The following SH3PXD2B variants were observed in gnomAD, a reference collection of about 807,000 sequenced individuals.
SH3PXD2B encodes SH3 and PX domains 2B, also known as SH3 and PX domain-containing protein 2B.
Under a neutral mutation model 73.1 loss-of-function variants are expected in SH3PXD2B, and 37 were observed. The observed-to-expected ratio is 0.51, with a 90% confidence interval of 0.39 to 0.67. SH3PXD2B has a LOEUF of 0.67. Among genes scored for constraint, SH3PXD2B ranks in the 30% least tolerant of loss-of-function variants. The pLI is 0.00. For synonymous variants in SH3PXD2B, 457 were observed against 480.5 expected, an observed-to-expected ratio of 0.95 and a Z score of 0.64; for missense variants, 1,053 against 1,197.8, an observed-to-expected ratio of 0.88 and a Z score of 1.78.
Position 172,335,944 on chromosome 5 carries a change from T to C in SH3PXD2B, c.*2425A>G. On this transcript the variant is annotated 3_prime_UTR_variant, in exon 13 of 13. Coordinates refer to ENST00000311601, the MANE Select transcript of SH3PXD2B (RefSeq NM_001017995.3). ...TCATCATCATCATAGCAAAAGAGAA[T>C]GGCAGATTCTTTCATTTGCAGGAAA... is the stretch of plus-strand genomic sequence containing the variant. 8.9e-7 allele frequency: 1 copy of C among 1,127,792 alleles called. No homozygotes were observed. The allele number at this position is 1,127,792 out of a possible 1,614,324, so 69.9% of individuals were successfully genotyped here.
Position 172,454,480 on chromosome 5 carries a change from G to C in SH3PXD2B, c.-128C>G, listed in dbSNP as rs1255192247. ...CGCAATCGCAGCCGGGGCCGAGCAC[G>C]AGCCGCCGCCGCCACCGCCGCCGCC... On this transcript the variant is annotated 5_prime_UTR_variant, in exon 1 of 13. Transcript: ENST00000311601. 5 of 336,878 alleles carry C rather than the reference G, an allele frequency of 1.5e-5. No homozygotes were observed. Among genetic ancestry groups the C allele is most frequent in the African/African-American group, 2.3e-5 (1 of 43,424 alleles). 20.9% of individuals were successfully genotyped at this position (336,878 alleles called of 1,614,324 possible).
intron 1 of SH3PXD2B, among the ~76,000 whole-genome samples, chr5:172,425,105 C>T (rs967217163): frequency 6.6e-6 from 1 of 152,144 alleles, no homozygotes; most frequent in Non-Finnish European, 1.5e-5. Context: ...AAAAAACGCT[C>T]AACAGTCCTG....
rs766988323 is a variant in SH3PXD2B, at chr5:172,339,610, A to G, written c.1495T>C (p.Ser499Pro). 6 of 1,614,216 alleles carry G rather than the reference A, an allele frequency of 3.7e-6. No individual in the cohort carries two copies. The South Asian group carries it at 5.5e-5, about 15-fold the overall frequency. Reference protein sequence around the residue: ...KGSKDVLRKASSDMSASAGYE... With the variant: ...KGSKDVLRKAPSDMSASAGYE... ...CCTGCTGACGCAGACATGTCTGAAG[A>G]TGCCTTCCTCAGGACATCCTTACTG... The change falls in exon 13 of 13, where the codon TCT becomes CCT. Residue 499 changes from serine to proline, a missense_variant. By Grantham distance (74) the Ser-to-Pro change is moderately conservative. This residue lies in a region of SH3PXD2B where 587 missense variants were observed against 590.7 expected (regional missense o/e 0.99). Transcript: ENST00000311601. The surrounding 1 kb of genome is among the most constrained non-coding windows in gnomAD (Gnocchi z 6.1).
intron 1 of SH3PXD2B, among the ~76,000 whole-genome samples, chr5:172,444,983 C>G (rs1384468802): frequency 1.3e-5 from 2 of 152,210 alleles, no homozygotes; most frequent in Admixed American, 1.3e-4. Flanking sequence ...CTCCATTATT[C>G]AAACCTCTTC....
In SH3PXD2B at chr5:172,423,545, T is replaced by TGGG. The variant is rs34097249; in HGVS notation, c.76-1052_76-1050dup. On this transcript the variant is annotated intron_variant, in intron 1 of 12. Transcript: ENST00000311601. ...CAGCTCACCCACTTGGATACGGGGTTGGGGGGGGGGGCGCACATTCTCTGT... is the reference window on the plus strand; with the variant it reads ...CAGCTCACCCACTTGGATACGGGGTTGGGGGGGGGGGGGGCGCACATTCTCTGT... Among the ~76,000 whole-genome samples the TGGG allele has an allele frequency of 6.2e-4, 42 of 67,600 alleles. 1 individual carries two copies. Among genetic ancestry groups the TGGG allele is most frequent in the African/African-American group, 2.4e-3 (41 of 16,986 alleles). 44.3% of individuals were successfully genotyped at this position (67,600 alleles called of 152,430 possible). A position where few individuals can be genotyped will look rare whatever the true frequency, so the allele number is the denominator to read the frequency against.
intron 2 of SH3PXD2B, among the ~76,000 whole-genome samples, chr5:172,407,421 T>C (rs1758586128): frequency 6.6e-6 from 1 of 152,158 alleles, no homozygotes; most frequent in African/African-American, 2.4e-5. Flanking sequence ...CTGGCCGCGG[T>C]CATGGGATGA....
At chr5:172,359,559 G>A (rs1489811811) in intron 7 of SH3PXD2B, among the ~76,000 whole-genome samples, 4 of 152,280 alleles carry the variant, frequency 2.6e-5, no homozygotes, top group Non-Finnish European at 2.9e-5. Context: ...ACGTGGCTGC[G>A]GTAGAGCTGT....
intron 2 of SH3PXD2B, among the ~76,000 whole-genome samples, chr5:172,407,253 G>T (rs1274645322): frequency 6.6e-6 from 1 of 152,244 alleles, no homozygotes; most frequent in Non-Finnish European, 1.5e-5. Flanking sequence ...TGGTAGATTT[G>T]TACTTTCCCC....
At chr5:172,363,095 GAT>G (rs1220598510) in intron 6 of SH3PXD2B, among the ~76,000 whole-genome samples, 1 of 152,174 alleles carries the variant, frequency 6.6e-6, no homozygotes, top group East Asian at 1.9e-4. Context: ...AGTTGATTAA[GAT>G]ATGGTACCTG....
intron 4 of SH3PXD2B, among the ~76,000 whole-genome samples, chr5:172,385,270 G>A (rs1446414135): frequency 6.6e-6 from 1 of 152,032 alleles, no homozygotes; most frequent in African/African-American, 2.4e-5. Flanking sequence ...CAAATATCTT[G>A]TGGCTTCCCC....
At chr5:172,416,663 T>C (rs2113452766) in intron 2 of SH3PXD2B, among the ~76,000 whole-genome samples, 1 of 145,842 alleles carries the variant, frequency 6.9e-6, no homozygotes, top group African/African-American at 2.6e-5. Context: ...AAGGACCTTT[T>C]CATAGAGACT....
At chr5:172,362,661 G>T in intron 7 of SH3PXD2B, 74 bp downstream of exon 7, 1 of 1,610,152 alleles carries the variant, frequency 6.2e-7, no homozygotes. Context: ...TTCAGTTTCT[G>T]AGTTTCCAAA....
chr5:172,417,507 CTGTT>C (rs1192749858), intron 2 of SH3PXD2B, among the ~76,000 whole-genome samples: 5 of 152,232 alleles, frequency 3.3e-5, no homozygotes, highest in Admixed American at 1.3e-4. Flanking sequence ...AATCAATGCT[CTGTT>C]TGAATAATCC....
intron 1 of SH3PXD2B, among the ~76,000 whole-genome samples, chr5:172,440,688 G>A (rs1015427602): frequency 6.6e-6 from 1 of 152,182 alleles, no homozygotes; most frequent in Non-Finnish European, 1.5e-5. Flanking sequence ...GTCCCGGGCC[G>A]AGGCGTCCTA....
At chr5:172,348,422 T>G (rs1757043309) in intron 10 of SH3PXD2B, among the ~76,000 whole-genome samples, 1 of 152,104 alleles carries the variant, frequency 6.6e-6, no homozygotes, top group Non-Finnish European at 1.5e-5. Context: ...TGAGCCGTTC[T>G]GGACCGAGGG....
At position 172,369,250 on chromosome 5, in the gene SH3PXD2B, T is replaced by C. The variant is rs1757648275; in HGVS notation, c.427+4540A>G. Reference sequence around the variant, plus strand: ...TTTGTTTTGTTTGTTTTGTTTTTTTTTTAAATATTTTTTAAGAGCTGTAAA... The same window carrying C: ...TTTGTTTTGTTTGTTTTGTTTTTTTCTTAAATATTTTTTAAGAGCTGTAAA... On this transcript the variant is annotated intron_variant, in intron 6 of 12. Transcript: ENST00000311601. Among the ~76,000 whole-genome samples, 4 of 151,782 alleles carry C rather than the reference T, an allele frequency of 2.6e-5. No individual in the cohort carries two copies. In the South Asian group the frequency reaches 6.2e-4, roughly 24 times the overall value.
intron 3 of SH3PXD2B, among the ~76,000 whole-genome samples, chr5:172,405,549 C>A (rs10062569): frequency 0.5 from 76,680 of 152,048 alleles, 20,909 homozygotes; most frequent in African/African-American, 0.7. Flanking sequence ...GCAGCCAGCA[C>A]GGAAACAGAT....
intron 1 of SH3PXD2B, among the ~76,000 whole-genome samples, chr5:172,448,489 G>T (rs547095478): frequency 6.6e-6 from 1 of 152,286 alleles, no homozygotes; most frequent in South Asian, 2.1e-4. Flanking sequence ...ATGAGGCTGA[G>T]CATTGTGTGC....
At chr5:172,331,289 G>A (rs992364218), downstream of SH3PXD2B, among the ~76,000 whole-genome samples, 23 of 152,132 alleles carry the variant, frequency 1.5e-4, no homozygotes, top group African/African-American at 5.3e-4. Context: ...TGCAAAGCCC[G>A]GCCATTTCTC....
Sources: allele counts gnomAD v4.1 joint callset (sites outside exome capture counted in the v4.1 genomes callset), GRCh38; gene constraint gnomAD v4.1.1; regional missense constraint gnomAD v4.1.1; non-coding constraint Gnocchi (gnomAD v3.1); transcripts MANE v1.5; gene names NCBI Gene and HGNC (gene_info 2026-07-23, HGNC 2026-07-21).